The following ANKRD62 variants were observed in gnomAD, a reference collection of about 807,000 sequenced individuals.
ANKRD62 encodes ankyrin repeat domain 62, also known as ankyrin repeat domain-containing protein 62.
Under a neutral mutation model 98.8 loss-of-function variants are expected in ANKRD62, and 61 were observed. That is an observed-to-expected ratio of 0.62 (90% CI 0.50 to 0.76). The LOEUF is 0.76. ANKRD62 is among the 30% of genes least tolerant of loss of function. The pLI, the probability that ANKRD62 is intolerant of heterozygous loss-of-function variation, is 0.00. For missense variants in ANKRD62, 933 were observed against 1,082.9 expected (o/e 0.86, Z 1.94); for synonymous variants, 341 against 367.9 (o/e 0.93, Z 0.84).
At chr18:12,159,614 G>GATA in the ANKRD62 span, among the ~76,000 whole-genome samples, 1 of 152,184 alleles carries the variant, frequency 6.6e-6, no homozygotes, top group Non-Finnish European at 1.5e-5. Flanking sequence ...CAGTTGCCTG[G>GATA]ATATCTGTGT....
chr18:12,101,990 G>A, intron 6 of ANKRD62: 2 of 1,187,292 alleles, frequency 1.7e-6, no homozygotes, highest in Admixed American at 3.4e-5. Context: ...AGTCAGAAAG[G>A]TCAGAGCTTC....
chr18:12,146,696 C>T, the ANKRD62 span, among the ~76,000 whole-genome samples: 9 of 152,344 alleles, frequency 5.9e-5, no homozygotes, highest in African/African-American at 1.9e-4. Context: ...CCGCCCTCCT[C>T]GGCCTCCCAA....
intron 11 of ANKRD62, among the ~76,000 whole-genome samples, chr18:12,123,235 G>A (rs1331955907): frequency 6.7e-6 from 1 of 149,460 alleles, no homozygotes; most frequent in East Asian, 2.0e-4. Flanking sequence ...TTTTTTTTAA[G>A]TAGAGATGAG....
chr18:12,140,338 C>T, the ANKRD62 span, among the ~76,000 whole-genome samples: 3 of 152,228 alleles, frequency 2.0e-5, no homozygotes, highest in Non-Finnish European at 4.4e-5. Flanking sequence ...AAGCCTTCCT[C>T]TCTCAACTCG....
chr18:12,161,737 C>A, the ANKRD62 span, among the ~76,000 whole-genome samples: 1 of 152,132 alleles, frequency 6.6e-6, no homozygotes, highest in East Asian at 1.9e-4. Flanking sequence ...CAAGTGTAAT[C>A]GTTTTGAATT....
At chr18:12,106,135 A>G (rs970031482) in intron 7 of ANKRD62, among the ~76,000 whole-genome samples, 2 of 152,234 alleles carry the variant, frequency 1.3e-5, no homozygotes, top group Non-Finnish European at 2.9e-5. Context: ...GACAACCTTA[A>G]GTATATTTGA....
intron 3 of ANKRD62, 95 bp downstream of exon 3, chr18:12,095,705 G>T: frequency 8.9e-7 from 1 of 1,126,832 alleles, no homozygotes; most frequent in South Asian, 2.0e-5. Context: ...GAAACTAGAA[G>T]GAAATATATT....
chr18:12,154,375 C>G, the ANKRD62 span, among the ~76,000 whole-genome samples: 1 of 152,122 alleles, frequency 6.6e-6, no homozygotes, highest in East Asian at 1.9e-4. Flanking sequence ...CAGAGAAATG[C>G]AAATCAAATC....
At chr18:12,100,849 CTG>C (rs998168448) in intron 6 of ANKRD62, among the ~76,000 whole-genome samples, 7 of 152,162 alleles carry the variant, frequency 4.6e-5, no homozygotes, top group African/African-American at 1.7e-4. Context: ...AGAAGACACT[CTG>C]TTACCATTAG....
At chr18:12,133,530 A>G (rs1910037028), downstream of ANKRD62, among the ~76,000 whole-genome samples, 1 of 152,102 alleles carries the variant, frequency 6.6e-6, no homozygotes, top group African/African-American at 2.4e-5. Context: ...CAATTTCTTC[A>G]CATCTTTTCC....
rs1240602992 is a variant in ANKRD62, at chr18:12,126,710, G to A, written c.2562+327G>A. ...GTATGTTGCCACATTTTAGGATTAC[G>A]ATAAAGCAGATATAAAGAAATATTC... On this transcript the variant is annotated intron_variant, in intron 13 of 13. Coordinates refer to ENST00000587848, the MANE Select transcript of ANKRD62 (RefSeq NM_001277333.2). 3.3e-5 allele frequency among the ~76,000 whole-genome samples: 5 copies of A among 152,104 alleles called. No individual in the cohort carries two copies. The South Asian group carries it at 6.2e-4, about 19-fold the overall frequency.
At chr18:12,164,835 T>A in the ANKRD62 span, among the ~76,000 whole-genome samples, 1 of 151,994 alleles carries the variant, frequency 6.6e-6, no homozygotes, top group Non-Finnish European at 1.5e-5. Context: ...GATTTTTCTT[T>A]GTCAATTTTC....
At position 12,126,014 on chromosome 18, in the gene ANKRD62, G is replaced by A. The variant is rs975168776; in HGVS notation, c.2193G>A (p.Thr731=). The A allele has an allele frequency of 7.2e-6, 11 of 1,536,366 alleles. No homozygotes were observed. Among genetic ancestry groups the A allele is most frequent in the South Asian group, 2.4e-5 (2 of 84,066 alleles). ...AAAGAGAGGCTCTCAAAGAAAAGAC[G>A]TTGCATATAGAACACATGCAAGGAG... ...HYEREALKEK[T]LHIEHMQGVL... is the part of the protein sequence containing the mutation. Residue 731 remains threonine (T), a synonymous_variant, in exon 13 of 14, where the codon ACG becomes ACA. Coordinates refer to ENST00000587848, the MANE Select transcript of ANKRD62 (RefSeq NM_001277333.2).
intron 8 of ANKRD62, among the ~76,000 whole-genome samples, chr18:12,108,158 G>A (rs1179003697): frequency 6.6e-6 from 1 of 152,162 alleles, no homozygotes; most frequent in Non-Finnish European, 1.5e-5. Flanking sequence ...TATTTCACCA[G>A]TAAAGTATCT....
In ANKRD62 at chr18:12,095,385, T is replaced by C. The variant is rs557009709; in HGVS notation, c.334-52T>C. The C allele has an allele frequency of 7.8e-6, 12 of 1,538,616 alleles. No individual in the cohort carries two copies. In the East Asian group the frequency reaches 2.6e-4, roughly 34 times the overall value. ...TGAAATGTGACTAGTTGGTGAATCCTGTGGAAGATTTCCTAGAATTTACAG... is the reference window on the plus strand; with the variant it reads ...TGAAATGTGACTAGTTGGTGAATCCCGTGGAAGATTTCCTAGAATTTACAG... On this transcript the variant is annotated intron_variant, in intron 2 of 13. Coordinates refer to ENST00000587848, the MANE Select transcript of ANKRD62 (RefSeq NM_001277333.2).
the ANKRD62 span, among the ~76,000 whole-genome samples, chr18:12,139,372 C>T: frequency 0.012 from 1,880 of 152,184 alleles, 38 homozygotes; most frequent in African/African-American, 0.04. Flanking sequence ...AAGCTGGGCA[C>T]GGTGGCTCAT....
At chr18:12,156,314 A>G in the ANKRD62 span, among the ~76,000 whole-genome samples, 5 of 152,144 alleles carry the variant, frequency 3.3e-5, no homozygotes, top group African/African-American at 1.2e-4. Flanking sequence ...AAGAACTAAC[A>G]CAATAGGTAT....
At chr18:12,139,075 AT>A in the ANKRD62 span, among the ~76,000 whole-genome samples, 1 of 152,060 alleles carries the variant, frequency 6.6e-6, no homozygotes, top group Non-Finnish European at 1.5e-5. Flanking sequence ...TGTGAATTTG[AT>A]CCTGTCATTA....
At chr18:12,102,884 A>G (rs1909335667) in intron 6 of ANKRD62, 29 of 618,758 alleles carry the variant, frequency 4.7e-5, no homozygotes, top group Non-Finnish European at 6.1e-5. Flanking sequence ...GTTCATTTAT[A>G]TTGTTGGGTG....
Sources: allele counts gnomAD v4.1 joint callset (sites outside exome capture counted in the v4.1 genomes callset), GRCh38; gene constraint gnomAD v4.1.1; transcripts MANE v1.5; gene names NCBI Gene and HGNC (gene_info 2026-07-23, HGNC 2026-07-21).